AGMO: variants seen among roughly 807,000 people sequenced by gnomAD.
The protein encoded by AGMO is glyceryl-ether monooxygenase.
Under a neutral mutation model 60.2 loss-of-function variants are expected in AGMO, and 75 were observed. The observed-to-expected ratio is 1.25, with a 90% CI of 1.03 to 1.51. The LOEUF is 1.51. Ranked by LOEUF, AGMO falls within the 40% of genes most tolerant of loss-of-function variation. AGMO has a pLI of 0.00. For missense variants in AGMO, 763 were observed against 525.5 expected (o/e 1.45, Z -4.42); for synonymous variants, 261 against 177.1 (o/e 1.47, Z -3.76).
Position 15,422,846 on chromosome 7 carries a change from T to C in AGMO, c.514-4193A>G, listed in dbSNP as rs554857902. 4.6e-5 allele frequency among the ~76,000 whole-genome samples: 7 copies of C among 152,268 alleles called. No homozygotes were observed. In the East Asian group the frequency reaches 1.2e-3, roughly 25 times the overall value. On this transcript the variant is annotated intron_variant, in intron 4 of 12. Coordinates refer to ENST00000342526, the MANE Select transcript of AGMO (RefSeq NM_001004320.2). ...GAGGGTAGATGACTGGATTTACTCA[T>C]GGCCTGAAGATTTCAAGGCACAGGA...
chr7:15,430,665 G>A, intron 4 of AGMO, among the ~76,000 whole-genome samples: 1 of 146,004 alleles, frequency 6.8e-6, no homozygotes, highest in African/African-American at 2.5e-5. Flanking sequence ...AGTTTTTACT[G>A]AAATCCTTGT....
At chr7:15,287,662 A>G (rs999026252) in intron 12 of AGMO, among the ~76,000 whole-genome samples, 9 of 152,188 alleles carry the variant, frequency 5.9e-5, no homozygotes, top group African/African-American at 2.2e-4. Context: ...GAATTTGTCA[A>G]TATGTACATA....
At chr7:15,387,200 G>C (rs918503267) in intron 9 of AGMO, among the ~76,000 whole-genome samples, 6 of 152,192 alleles carry the variant, frequency 3.9e-5, no homozygotes, top group Non-Finnish European at 8.8e-5. Flanking sequence ...TAGGTAAAAG[G>C]CAGTGTTCAC....
chr7:15,357,971 A>AG (rs1465646316), intron 12 of AGMO, among the ~76,000 whole-genome samples: 2 of 152,232 alleles, frequency 1.3e-5, no homozygotes, highest in Non-Finnish European at 2.9e-5. Context: ...AGAAAGGAAG[A>AG]GAAAAAAAGC....
At chr7:15,244,671 CAG>C (rs1233916442) in intron 12 of AGMO, among the ~76,000 whole-genome samples, 1 of 152,032 alleles carries the variant, frequency 6.6e-6, no homozygotes, top group South Asian at 2.1e-4. Flanking sequence ...TTTTTGGAGA[CAG>C]AGTCGTCTCG....
intron 3 of AGMO, among the ~76,000 whole-genome samples, chr7:15,536,105 T>C (rs1032826336): frequency 6.6e-6 from 1 of 152,080 alleles, no homozygotes; most frequent in African/African-American, 2.4e-5. Flanking sequence ...AATATTTAAA[T>C]AGTATTAACT....
intron 12 of AGMO, among the ~76,000 whole-genome samples, chr7:15,210,915 A>G (rs530559426): frequency 2.6e-5 from 4 of 152,238 alleles, no homozygotes; most frequent in African/African-American, 9.6e-5. Context: ...GCTTTGGATA[A>G]AGTGATACTG....
chr7:15,130,315 T>C, the AGMO span, among the ~76,000 whole-genome samples: 11 of 152,060 alleles, frequency 7.2e-5, no homozygotes, highest in African/African-American at 2.7e-4. Context: ...TTTTTTTTTC[T>C]GACAATAGTC....
intron 5 of AGMO, 121 bp from the exon 6 acceptor site, chr7:15,394,300 CAG>C (rs1203933031): frequency 1.6e-5 from 12 of 756,644 alleles, no homozygotes; most frequent in Non-Finnish European, 2.6e-5. Context: ...GGGTTGGTAT[CAG>C]AGAGTGGAAA....
At chr7:15,344,586 C>T (rs986335750) in intron 12 of AGMO, among the ~76,000 whole-genome samples, 4 of 151,992 alleles carry the variant, frequency 2.6e-5, no homozygotes, top group African/African-American at 9.7e-5. Context: ...TGGTCCCAGC[C>T]ACTCAGGAGG....
intron 3 of AGMO, among the ~76,000 whole-genome samples, chr7:15,485,142 C>CAAAAAAAAAAAA (rs34731268): frequency 1.9e-3 from 182 of 97,408 alleles, no homozygotes; most frequent in Middle Eastern, 6.6e-3. Context: ...ACTAAAAATA[C>CAAAAAAAAAAAA]AAAAAAAAAA....
At chr7:15,432,381 C>CAT in intron 3 of AGMO, among the ~76,000 whole-genome samples, 1 of 141,866 alleles carries the variant, frequency 7.0e-6, no homozygotes, top group South Asian at 2.2e-4. Context: ...TATATATATA[C>CAT]ACTATCTGGG....
At chr7:15,557,881 G>A (rs1027448514) in intron 2 of AGMO, among the ~76,000 whole-genome samples, 2 of 151,806 alleles carry the variant, frequency 1.3e-5, no homozygotes, top group Admixed American at 6.6e-5. Context: ...TTCTCTCAAA[G>A]GGCACCAGAG....
chr7:15,135,590 CATT>C, the AGMO span, among the ~76,000 whole-genome samples: 1 of 152,036 alleles, frequency 6.6e-6, no homozygotes, highest in Non-Finnish European at 1.5e-5. Context: ...TATAAATATT[CATT>C]AATATAGTAG....
chr7:15,219,828 A>G (rs1583301663), intron 12 of AGMO, among the ~76,000 whole-genome samples: 1 of 152,320 alleles, frequency 6.6e-6, no homozygotes, highest in South Asian at 2.1e-4. Flanking sequence ...GTGAAAGTGA[A>G]TGAGTTCTCC....
intron 12 of AGMO, among the ~76,000 whole-genome samples, chr7:15,225,348 T>A (rs1366167330): frequency 9.2e-5 from 14 of 152,162 alleles, no homozygotes; most frequent in Non-Finnish European, 7.4e-5. Flanking sequence ...AGTTAATCTT[T>A]GTATTTTCTT....
intron 12 of AGMO, among the ~76,000 whole-genome samples, chr7:15,322,523 TATAA>T (rs1391169938): frequency 1.2e-5 from 1 of 83,688 alleles, no homozygotes; most frequent in Admixed American, 2.0e-4. Flanking sequence ...TATAAATATA[TATAA>T]ATATATAAAT....
In AGMO at chr7:15,251,816, C is replaced by T. The variant is rs560279034; in HGVS notation, c.1264-50457G>A. 3.3e-5 allele frequency among the ~76,000 whole-genome samples: 5 copies of T among 152,346 alleles called. No individual in the cohort carries two copies. In the East Asian group the frequency reaches 7.7e-4, roughly 24 times the overall value. On this transcript the variant is annotated intron_variant, in intron 12 of 12. Transcript: ENST00000342526. The stretch of plus-strand genomic sequence containing the variant: ...TGGACAACACAGCTTTGCCTTACAA[C>T]TTCATGCCCCACAGGAATTAATGTT...
At chr7:15,363,802 T>A (rs6971862) in intron 12 of AGMO, among the ~76,000 whole-genome samples, 87,242 of 151,628 alleles carry the variant, frequency 0.58, 26,013 homozygotes, top group African/African-American at 0.75. Flanking sequence ...TTCCTTCTGG[T>A]GTGTGTAAGA....
Sources: allele counts gnomAD v4.1 joint callset (sites outside exome capture counted in the v4.1 genomes callset), GRCh38; gene constraint gnomAD v4.1.1; transcripts MANE v1.5; gene names NCBI Gene and HGNC (gene_info 2026-07-23, HGNC 2026-07-21).